The following ZNF804A variants were observed in gnomAD, a reference collection of about 807,000 sequenced individuals.
The protein encoded by ZNF804A is zinc finger protein 804A.
A neutral mutation model predicts 16.5 loss-of-function variants in ZNF804A; 2 were observed. That is an observed-to-expected ratio of 0.12 (90% CI 0.05 to 0.38). The LOEUF (loss-of-function observed/expected upper bound fraction) is 0.38, where lower values mean the gene tolerates loss of function less well. ZNF804A is among the 10% of genes least tolerant of loss of function. ZNF804A has a pLI of 0.99. For missense variants in ZNF804A, 1,473 were observed against 1,390.7 expected (o/e 1.06, Z -0.94); for synonymous variants, 534 against 489.6 (o/e 1.09, Z -1.20).
chr2:184,848,319 T>A (rs1334121088), intron 1 of ZNF804A, among the ~76,000 whole-genome samples: 1 of 152,046 alleles, frequency 6.6e-6, no homozygotes, highest in Admixed American at 6.6e-5. Context: ...TATCACAATA[T>A]GATAACCACT....
intron 1 of ZNF804A, among the ~76,000 whole-genome samples, chr2:184,713,618 A>G (rs185212377): frequency 5.7e-4 from 86 of 152,106 alleles, no homozygotes; most frequent in Non-Finnish European, 1.1e-3. Flanking sequence ...ACAGAACAAT[A>G]TCTAATTCTT....
intron 1 of ZNF804A, among the ~76,000 whole-genome samples, chr2:184,720,218 C>G (rs1693288112): frequency 6.6e-6 from 1 of 152,086 alleles, no homozygotes; most frequent in African/African-American, 2.4e-5. Flanking sequence ...CAGTCACCTC[C>G]CACAGGGTCC....
intron 1 of ZNF804A, among the ~76,000 whole-genome samples, chr2:184,710,118 A>G (rs930093229): frequency 5.3e-5 from 8 of 151,208 alleles, no homozygotes; most frequent in Non-Finnish European, 1.0e-4. Context: ...TTACCTTCAA[A>G]GTGGTCTTGT....
At chr2:184,621,042 G>A (rs1458170292) in intron 1 of ZNF804A, among the ~76,000 whole-genome samples, 4 of 151,072 alleles carry the variant, frequency 2.6e-5, no homozygotes, top group African/African-American at 4.9e-5. Context: ...AATAACAGAC[G>A]AACATAAACA....
In ZNF804A at chr2:184,785,863, G is replaced by T. The variant is rs78678727; in HGVS notation, c.112-80506G>T. On this transcript the variant is annotated intron_variant, in intron 1 of 3. Transcript: ENST00000302277. ...AACAGAAGTCAGTAGAATCAGCTGG[G>T]GCAATTCAACTTTTCTTAAGATCAT... Among the ~76,000 whole-genome samples, 437 of 152,004 alleles carry T rather than the reference G, an allele frequency of 2.9e-3. 1 individual carries two copies. The highest frequency in any genetic ancestry group is 9.8e-3 in the African/African-American group (406 of 41,502).
chr2:184,845,482 C>T (rs1695497674), intron 1 of ZNF804A, among the ~76,000 whole-genome samples: 1 of 152,032 alleles, frequency 6.6e-6, no homozygotes. Context: ...TTTCTTGAAG[C>T]CCTGAGCTCT....
Position 184,707,090 on chromosome 2 carries a change from T to C in ZNF804A, c.111+108020T>C, listed in dbSNP as rs1481091038. On this transcript the variant is annotated intron_variant, in intron 1 of 3. Transcript: ENST00000302277. ...CAATTGTCTACTGCTTTATAACTTGTATTGACTCATTAGGACTGACCTTGC... is the reference window on the plus strand; with the variant it reads ...CAATTGTCTACTGCTTTATAACTTGCATTGACTCATTAGGACTGACCTTGC... Among the ~76,000 whole-genome samples, 4 of 152,162 alleles carry C rather than the reference T, an allele frequency of 2.6e-5. No individual in the cohort carries two copies. In the East Asian group the frequency reaches 7.7e-4, roughly 29 times the overall value.
At chr2:184,782,282 G>C (rs1256015326) in intron 1 of ZNF804A, among the ~76,000 whole-genome samples, 1 of 151,550 alleles carries the variant, frequency 6.6e-6, no homozygotes, top group Non-Finnish European at 1.5e-5. Flanking sequence ...TTGGATTGAA[G>C]GGTGCAAAGT....
chr2:184,878,944 T>G (rs1050222999), intron 2 of ZNF804A, among the ~76,000 whole-genome samples: 2 of 152,050 alleles, frequency 1.3e-5, no homozygotes, highest in Non-Finnish European at 2.9e-5. Flanking sequence ...TTTATTATGC[T>G]TACCTATCAT....
At chr2:184,790,843 T>C (rs1020632750) in intron 1 of ZNF804A, among the ~76,000 whole-genome samples, 7 of 152,136 alleles carry the variant, frequency 4.6e-5, no homozygotes, top group African/African-American at 1.7e-4. Flanking sequence ...GACCTTGTGA[T>C]CCACCCACCT....
At chr2:184,676,460 TATTTTA>T (rs1410129589) in intron 1 of ZNF804A, among the ~76,000 whole-genome samples, 1 of 151,660 alleles carries the variant, frequency 6.6e-6, no homozygotes, top group African/African-American at 2.4e-5. Flanking sequence ...GTTGAAAATA[TATTTTA>T]ATTTACAATA....
intron 1 of ZNF804A, among the ~76,000 whole-genome samples, chr2:184,840,327 C>T (rs548620396): frequency 9.2e-5 from 14 of 151,966 alleles, no homozygotes; most frequent in Non-Finnish European, 1.3e-4. Flanking sequence ...GATGATGCAG[C>T]GAGCTGAGAT....
At chr2:184,804,400 T>C (rs6751335) in intron 1 of ZNF804A, among the ~76,000 whole-genome samples, 21,702 of 152,198 alleles carry the variant, frequency 0.14, 1,682 homozygotes, top group Middle Eastern at 0.24. Context: ...TGTCCGGATG[T>C]ATCTGAAATA....
intron 2 of ZNF804A, among the ~76,000 whole-genome samples, chr2:184,917,782 A>G (rs1286858847): frequency 6.7e-6 from 1 of 150,222 alleles, no homozygotes; most frequent in Non-Finnish European, 1.5e-5. Context: ...CAGATAAGGC[A>G]TAACTAGCAC....
intron 1 of ZNF804A, among the ~76,000 whole-genome samples, chr2:184,684,592 A>G (rs1483332416): frequency 6.6e-6 from 1 of 152,120 alleles, no homozygotes; most frequent in Non-Finnish European, 1.5e-5. Context: ...CTTATATTTT[A>G]CATACTGGGG....
intron 1 of ZNF804A, among the ~76,000 whole-genome samples, chr2:184,783,142 T>TTG (rs1443856878): frequency 4.8e-5 from 6 of 124,088 alleles, no homozygotes; most frequent in Non-Finnish European, 8.1e-5. Context: ...GAGTGAGTTT[T>TTG]TTTTTTTTTT....
intron 1 of ZNF804A, among the ~76,000 whole-genome samples, chr2:184,695,575 T>C (rs1426723721): frequency 1.3e-5 from 2 of 151,634 alleles, no homozygotes; most frequent in Non-Finnish European, 2.9e-5. Context: ...CATGATCATG[T>C]TCAGCTAATT....
intron 1 of ZNF804A, among the ~76,000 whole-genome samples, chr2:184,734,324 AAC>A (rs1374399595): frequency 1.3e-5 from 2 of 152,170 alleles, no homozygotes; most frequent in Non-Finnish European, 2.9e-5. Flanking sequence ...TTACCGTCTA[AAC>A]ACTGTTTTTG....
chr2:184,605,752 A>G (rs1446688698), intron 1 of ZNF804A, among the ~76,000 whole-genome samples: 1 of 152,122 alleles, frequency 6.6e-6, no homozygotes, highest in East Asian at 1.9e-4. Flanking sequence ...TATATATCCT[A>G]GGGGGATCTT....
Sources: allele counts gnomAD v4.1 joint callset (sites outside exome capture counted in the v4.1 genomes callset), GRCh38; gene constraint gnomAD v4.1.1; transcripts MANE v1.5; gene names NCBI Gene and HGNC (gene_info 2026-07-23, HGNC 2026-07-21).